Variants in RBM19 observed in about 807,000 individuals in gnomAD.
The protein encoded by RBM19 is probable RNA-binding protein 19.
In RBM19, 94 loss-of-function variants were observed where a neutral mutation model predicts 116.8. The observed-to-expected ratio is 0.80, with a 90% CI of 0.68 to 0.95. RBM19 has a LOEUF of 0.95. Ranked by LOEUF, RBM19 falls within the 40% of genes least tolerant of loss-of-function variation. RBM19 has a pLI of 0.00. For synonymous variants in RBM19, 475 were observed against 494.1 expected (o/e 0.96, Z 0.51); for missense variants, 1,161 against 1,220.7 (o/e 0.95, Z 0.73).
At chr12:113,887,779 G>A (rs1880646827) in intron 21 of RBM19, among the ~76,000 whole-genome samples, 1 of 151,818 alleles carries the variant, frequency 6.6e-6, no homozygotes, top group Non-Finnish European at 1.5e-5. Flanking sequence ...GAGTGCAAAT[G>A]GTGCGATCTC....
chr12:113,861,272 G>A (rs1010808547), intron 21 of RBM19, among the ~76,000 whole-genome samples: 3 of 152,178 alleles, frequency 2.0e-5, no homozygotes, highest in South Asian at 2.1e-4. Context: ...GGCCCCATAC[G>A]GGGTGGCTAG....
At chr12:113,947,522 G>T (rs1871135359) in intron 10 of RBM19, 58 bp from the exon 11 acceptor site, 3 of 1,537,380 alleles carry the variant, frequency 2.0e-6, no homozygotes, top group Non-Finnish European at 1.8e-6. Flanking sequence ...CCCCAGGGAA[G>T]AATGTGGTGA....
intron 16 of RBM19, among the ~76,000 whole-genome samples, chr12:113,931,063 C>A (rs1381499952): frequency 6.6e-6 from 1 of 152,172 alleles, no homozygotes; most frequent in Non-Finnish European, 1.5e-5. Context: ...CAGTGAGTGA[C>A]TGTAAACTCA....
At chr12:113,851,217 T>C (rs2135728154) in intron 22 of RBM19, among the ~76,000 whole-genome samples, 1 of 152,302 alleles carries the variant, frequency 6.6e-6, no homozygotes, top group South Asian at 2.1e-4. Flanking sequence ...GGTGAACTTC[T>C]AGGAGAGACA....
chr12:113,858,405 C>G (rs1878082658), intron 22 of RBM19, among the ~76,000 whole-genome samples: 1 of 152,216 alleles, frequency 6.6e-6, no homozygotes, highest in Non-Finnish European at 1.5e-5. Context: ...CTCCTACTCT[C>G]CAAGCGCCCT....
At chr12:113,906,523 C>T (rs1226462438) in intron 21 of RBM19, among the ~76,000 whole-genome samples, 1 of 152,142 alleles carries the variant, frequency 6.6e-6, no homozygotes, top group Admixed American at 6.5e-5. Context: ...CCTCTTGAGC[C>T]AGGTGCTGGT....
chr12:113,835,218 G>A (rs1875768982), intron 23 of RBM19, among the ~76,000 whole-genome samples: 1 of 152,124 alleles, frequency 6.6e-6, no homozygotes, highest in Non-Finnish European at 1.5e-5. Flanking sequence ...TCCAGCACCT[G>A]TTAGATGCTC....
rs767626338 is a variant in RBM19, at chr12:113,939,977, G to A, written c.1921C>T (p.His641Tyr). The change falls in exon 15 of 24, where the codon CAT becomes TAT. Residue 641 changes from histidine (H) to tyrosine (Y), a missense_variant. By Grantham distance (83) the His-to-Tyr change is moderately conservative. Coordinates refer to ENST00000261741, the MANE Select transcript of RBM19 (RefSeq NM_016196.4). ...AGCCCTACCTTGGAATAGGCCAGAT[G>A]CCTGAAGGCCTTGCGGGCCTCCAGG... is the stretch of plus-strand genomic sequence containing the variant. ...EPLEARKAFR[H>Y]LAYSKFHHVP... The A allele has an allele frequency of 1.9e-6, 3 of 1,614,028 alleles. No homozygotes were observed. The highest frequency in any genetic ancestry group is 2.5e-6 in the Non-Finnish European group (3 of 1,180,014).
chr12:113,932,234 G>A (rs1161772368), intron 16 of RBM19, among the ~76,000 whole-genome samples: 1 of 152,166 alleles, frequency 6.6e-6, no homozygotes, highest in South Asian at 2.1e-4. Flanking sequence ...TCTAAAAAGG[G>A]GCTGGCCATC....
chr12:113,864,163 G>A (rs961681244), intron 21 of RBM19, among the ~76,000 whole-genome samples: 6 of 152,198 alleles, frequency 3.9e-5, no homozygotes, highest in African/African-American at 1.4e-4. Context: ...CTCAAAGTAG[G>A]CGGTGTGCCC....
chr12:113,854,456 C>A (rs1463685630), intron 22 of RBM19, among the ~76,000 whole-genome samples: 1 of 152,026 alleles, frequency 6.6e-6, no homozygotes, highest in Non-Finnish European at 1.5e-5. Context: ...TCCTACACCA[C>A]CCCCATTCTC....
chr12:113,851,846 T>C (rs1298269926), intron 22 of RBM19, among the ~76,000 whole-genome samples: 1 of 151,376 alleles, frequency 6.6e-6, no homozygotes, highest in African/African-American at 2.4e-5. Context: ...AGGCCAGGAG[T>C]TCGAGACTAG....
chr12:113,883,091 T>C, intron 21 of RBM19, among the ~76,000 whole-genome samples: 1 of 152,010 alleles, frequency 6.6e-6, no homozygotes, highest in South Asian at 2.1e-4. Flanking sequence ...AGAGAGGTTG[T>C]AGGGAACGAG....
intron 16 of RBM19, among the ~76,000 whole-genome samples, chr12:113,936,117 T>C (rs778442858): frequency 6.6e-6 from 1 of 151,990 alleles, no homozygotes; most frequent in Non-Finnish European, 1.5e-5. Flanking sequence ...GAAATGTCCT[T>C]TAAAAAAAAA....
intron 5 of RBM19, 56 bp from the exon 6 acceptor site, chr12:113,958,106 A>G: frequency 6.4e-7 from 1 of 1,550,494 alleles, no homozygotes; most frequent in Non-Finnish European, 8.7e-7. Context: ...CAGAGGTCAG[A>G]GGTAGCAAAT....
intron 13 of RBM19, among the ~76,000 whole-genome samples, chr12:113,944,678 C>T (rs1053550338): frequency 3.4e-5 from 5 of 146,060 alleles, no homozygotes; most frequent in African/African-American, 1.1e-4. Context: ...ATCTGTAGTC[C>T]TAGCCACTCG....
chr12:113,939,465 C>G (rs1870350052), intron 15 of RBM19, among the ~76,000 whole-genome samples: 1 of 152,072 alleles, frequency 6.6e-6, no homozygotes, highest in South Asian at 2.1e-4. Flanking sequence ...ACTCCCTTCT[C>G]CCGGCCCGGC....
Position 113,955,075 on chromosome 12 carries a change from C to G in RBM19, c.921+56G>C, listed in dbSNP as rs900950627. The G allele has an allele frequency of 1.5e-5, 23 of 1,569,794 alleles. No individual in the cohort carries two copies. In the Admixed American group the frequency reaches 2.3e-4, roughly 16 times the overall value. ...ATGCACCAAAGGCTCCTGGCCTCCC[C>G]ACCCTCGTCTCCTGCTCCCGCAGGC... On this transcript the variant is annotated intron_variant, in intron 7 of 23. Coordinates refer to ENST00000261741, the MANE Select transcript of RBM19 (RefSeq NM_016196.4).
chr12:113,855,921 T>C (rs750946583), intron 22 of RBM19, among the ~76,000 whole-genome samples: 5 of 152,186 alleles, frequency 3.3e-5, no homozygotes, highest in Non-Finnish European at 7.3e-5. Flanking sequence ...CAGACAGACC[T>C]GGAGCTGGGG....
Sources: gnomAD v4.1 joint callset for allele counts (sites outside exome capture counted in the v4.1 genomes callset) on GRCh38, gnomAD v4.1.1 for gene constraint, MANE v1.5 for transcripts, NCBI Gene and HGNC (gene_info 2026-07-23, HGNC 2026-07-21) for gene names.